Variants in MEGF10 observed in about 807,000 individuals in gnomAD.
MEGF10 encodes multiple EGF like domains 10.
In MEGF10, 86 loss-of-function variants were observed where a neutral mutation model predicts 147.5. That is an observed-to-expected ratio of 0.58 (90% CI 0.49 to 0.70). The LOEUF (loss-of-function observed/expected upper bound fraction) is 0.70. MEGF10 is among the 30% of genes least tolerant of loss of function. MEGF10 has a pLI of 0.00. For missense variants in MEGF10, 1,329 were observed against 1,487.3 expected (o/e 0.89, Z 1.75); for synonymous variants, 478 against 525.5 (o/e 0.91, Z 1.24).
the MEGF10 span, among the ~76,000 whole-genome samples, chr5:127,242,928 A>G: frequency 1.3e-5 from 2 of 152,190 alleles, no homozygotes; most frequent in African/African-American, 4.8e-5. Context: ...TAGCCAAAAG[A>G]GCCTGACTTC....
At chr5:127,389,032 T>C (rs1463708391) in intron 5 of MEGF10, among the ~76,000 whole-genome samples, 2 of 152,316 alleles carry the variant, frequency 1.3e-5, no homozygotes, top group Non-Finnish European at 1.5e-5. Context: ...TGGTGGAATA[T>C]TATACTTAAC....
intron 1 of MEGF10, among the ~76,000 whole-genome samples, chr5:127,295,344 T>C (rs1759446135): frequency 6.6e-6 from 1 of 152,260 alleles, no homozygotes; most frequent in Non-Finnish European, 1.5e-5. Flanking sequence ...TTTCTCCTCA[T>C]TTCAATAACA....
chr5:127,438,301 A>T, intron 16 of MEGF10, 138 bp from the exon 17 acceptor site: 1 of 895,028 alleles, frequency 1.1e-6, no homozygotes, highest in Non-Finnish European at 1.7e-6. Flanking sequence ...TGCAGAATTC[A>T]GAGCAGTGTG....
intron 4 of MEGF10, among the ~76,000 whole-genome samples, chr5:127,365,532 G>T (rs1019759161): frequency 1.3e-5 from 2 of 152,222 alleles, no homozygotes; most frequent in African/African-American, 4.8e-5. Flanking sequence ...GGGTCATCAT[G>T]TCAGTGCCCA....
chr5:127,264,892 C>T, the MEGF10 span, among the ~76,000 whole-genome samples: 15 of 151,704 alleles, frequency 9.9e-5, no homozygotes, highest in Admixed American at 2.0e-4. Context: ...TGGTGGTTTG[C>T]TGCACAGATC....
intron 4 of MEGF10, among the ~76,000 whole-genome samples, chr5:127,362,699 C>T (rs1253427348): frequency 6.6e-6 from 1 of 152,102 alleles, no homozygotes; most frequent in Non-Finnish European, 1.5e-5. Flanking sequence ...GTTTCTTGTA[C>T]TTATAAGCAG....
At chr5:127,278,358 G>A in the MEGF10 span, among the ~76,000 whole-genome samples, 1 of 152,106 alleles carries the variant, frequency 6.6e-6, no homozygotes, top group East Asian at 1.9e-4. Context: ...TTAAATTGAG[G>A]GTTGGGGCCA....
chr5:127,439,805 G>GA (rs1031239137), intron 17 of MEGF10, among the ~76,000 whole-genome samples: 4 of 152,138 alleles, frequency 2.6e-5, no homozygotes, highest in Admixed American at 2.6e-4. Flanking sequence ...CTGTCTACAA[G>GA]ACGGGAATAT....
chr5:127,444,983 A>T (rs1242856221), intron 19 of MEGF10, among the ~76,000 whole-genome samples: 1 of 152,234 alleles, frequency 6.6e-6, no homozygotes, highest in African/African-American at 2.4e-5. Context: ...GCAAAATAAA[A>T]ATTAGATAAA....
At chr5:127,452,057 C>T (rs1766173205) in intron 22 of MEGF10, among the ~76,000 whole-genome samples, 1 of 152,096 alleles carries the variant, frequency 6.6e-6, no homozygotes, top group South Asian at 2.1e-4. Context: ...TTAAATTAAA[C>T]CAAGCATTTG....
intron 4 of MEGF10, among the ~76,000 whole-genome samples, chr5:127,359,023 C>T (rs1178008798): frequency 6.6e-6 from 1 of 151,300 alleles, no homozygotes; most frequent in African/African-American, 2.4e-5. Flanking sequence ...TGTGTGGGAT[C>T]CATTACAACA....
intron 5 of MEGF10, among the ~76,000 whole-genome samples, chr5:127,393,026 G>A (rs2126912904): frequency 6.6e-6 from 1 of 152,222 alleles, no homozygotes; most frequent in South Asian, 2.1e-4. Flanking sequence ...CTAGCATTTA[G>A]GTCACTTTCA....
chr5:127,260,999 C>T, the MEGF10 span, among the ~76,000 whole-genome samples: 175 of 152,218 alleles, frequency 1.1e-3, no homozygotes, highest in African/African-American at 4.0e-3. Context: ...AGTGCAGTTC[C>T]TATGGGGCGC....
intron 1 of MEGF10, among the ~76,000 whole-genome samples, chr5:127,304,516 CAA>C (rs1252157574): frequency 2.6e-5 from 4 of 152,076 alleles, no homozygotes; most frequent in South Asian, 2.1e-4. Context: ...TTTTTTGGGA[CAA>C]AGTCTCCCTC....
At chr5:127,403,021 T>G (rs1002566201) in intron 8 of MEGF10, among the ~76,000 whole-genome samples, 20 of 152,212 alleles carry the variant, frequency 1.3e-4, no homozygotes, top group Admixed American at 6.5e-4. Context: ...AGATTTATTT[T>G]TAAATGGGAT....
At chr5:127,415,454 C>T (rs1764723712) in intron 9 of MEGF10, among the ~76,000 whole-genome samples, 1 of 152,050 alleles carries the variant, frequency 6.6e-6, no homozygotes, top group Admixed American at 6.6e-5. Flanking sequence ...TGGAGATGGG[C>T]AGCACAGTTG....
At chr5:127,251,423 C>A in the MEGF10 span, among the ~76,000 whole-genome samples, 1 of 151,906 alleles carries the variant, frequency 6.6e-6, no homozygotes, top group Non-Finnish European at 1.5e-5. Flanking sequence ...CTACCTACGT[C>A]TTATGGTTGT....
intron 1 of MEGF10, among the ~76,000 whole-genome samples, chr5:127,306,248 G>A (rs1760006559): frequency 6.6e-6 from 1 of 152,156 alleles, no homozygotes; most frequent in African/African-American, 2.4e-5. Context: ...TCATGGGTTA[G>A]TGGCTGACTG....
chr5:127,380,608 C>G (rs973166461), intron 5 of MEGF10, among the ~76,000 whole-genome samples: 4 of 151,872 alleles, frequency 2.6e-5, no homozygotes, highest in Non-Finnish European at 5.9e-5. Context: ...ACCCCCGCCT[C>G]CTGGGTTCAA....
Sources: allele counts gnomAD v4.1 joint callset (sites outside exome capture counted in the v4.1 genomes callset), GRCh38; gene constraint gnomAD v4.1.1; transcripts MANE v1.5; gene names NCBI Gene and HGNC (gene_info 2026-07-23, HGNC 2026-07-21).